The following JADE2 variants were observed in gnomAD, a reference collection of about 807,000 sequenced individuals.
JADE2 encodes the protein E3 ubiquitin-protein ligase Jade-2.
A neutral mutation model predicts 85.7 loss-of-function variants in JADE2; 13 were observed. The observed-to-expected ratio is 0.15, with a 90% CI of 0.10 to 0.24. The LOEUF (loss-of-function observed/expected upper bound fraction) is 0.24, where lower values mean the gene tolerates loss of function less well. Among genes scored for constraint, JADE2 ranks in the 10% least tolerant of loss-of-function variants. The pLI is 1.00. For missense variants in JADE2, 846 were observed against 1,115.9 expected (o/e 0.76, Z 3.45); for synonymous variants, 440 against 456.1 (o/e 0.96, Z 0.45).
At position 134,538,060 on chromosome 5, in the gene JADE2, C is replaced by A. The variant is rs766842166; in HGVS notation, c.130C>A (p.Gln44Lys). The A allele has an allele frequency of 3.7e-6, 6 of 1,613,986 alleles. No homozygotes were observed. The highest frequency in any genetic ancestry group is 3.4e-6 in the Non-Finnish European group (4 of 1,179,976). Residue 44 changes from glutamine (Q) to lysine (K), a missense_variant, in exon 3 of 12, where the codon CAG becomes AAG. Coordinates refer to ENST00000681547, the MANE Select transcript of JADE2 (RefSeq NM_001388185.1). The part of the protein sequence containing the change: ...PSSTKSGWPR[Q>K]NEKKPSEVFR... Reference sequence around the variant, plus strand: ...CAGCACCAAGTCGGGCTGGCCCCGACAGAACGAAAAGAAGCCCTCCGAGGT... The same window carrying A: ...CAGCACCAAGTCGGGCTGGCCCCGAAAGAACGAAAAGAAGCCCTCCGAGGT...
At chr5:134,563,931 A>T (rs747706707) in intron 7 of JADE2, among the ~76,000 whole-genome samples, 1 of 152,158 alleles carries the variant, frequency 6.6e-6, no homozygotes, top group Non-Finnish European at 1.5e-5. Context: ...TGCCCAGTAG[A>T]CTTGGGCATA....
chr5:134,568,710 G>T (rs774670382), intron 9 of JADE2, among the ~76,000 whole-genome samples: 1 of 152,240 alleles, frequency 6.6e-6, no homozygotes, highest in Non-Finnish European at 1.5e-5. Context: ...TGGCAGGGCC[G>T]AGGAGGGACA....
chr5:134,557,003 G>GCA lies in JADE2; in HGVS notation c.312-2816_312-2815dup, dbSNP rs1193362318. Among the ~76,000 whole-genome samples the GCA allele has an allele frequency of 6.8e-5, 7 of 103,050 alleles. No homozygotes were observed. The South Asian group carries it at 2.3e-3, about 34-fold the overall frequency. 67.6% of individuals were successfully genotyped at this position (103,050 alleles called of 152,430 possible). On this transcript the variant is annotated intron_variant, in intron 4 of 11. Transcript: ENST00000681547. ...AAAACACACCCCACACATACCACATGCACACACACACATCACACAGCACAT... is the reference window on the plus strand; with the variant it reads ...AAAACACACCCCACACATACCACATGCACACACACACACATCACACAGCACAT...
chr5:134,575,052 G>T (rs149260099), intron 10 of JADE2: 2 of 152,300 alleles, frequency 1.3e-5, no homozygotes, highest in African/African-American at 4.8e-5. Context: ...GCCACGAGCA[G>T]TGCCCTCAGG....
At chr5:134,529,000 T>G (rs1169165180) in intron 1 of JADE2, among the ~76,000 whole-genome samples, 6 of 152,196 alleles carry the variant, frequency 3.9e-5, no homozygotes, top group African/African-American at 1.4e-4. Context: ...AGGTCCTAGA[T>G]GCACCACGGA....
At chr5:134,526,671 CGCGGGGGCAGCAT>C (rs1760845071) in intron 1 of JADE2, 2 of 985,346 alleles carry the variant, frequency 2.0e-6, no homozygotes, top group African/African-American at 3.5e-5. Context: ...GGGCGCTGCA[CGCGGGGGCAGCAT>C]GCTCGGCTCC....
chr5:134,562,188 G>C lies in JADE2; in HGVS notation c.685-12G>C. 6.3e-7 allele frequency: 1 copy of C among 1,599,468 alleles called. No individual in the cohort carries two copies. Among genetic ancestry groups the C allele is most frequent in the Admixed American group, 1.7e-5 (1 of 58,606 alleles). ...AGTTCCGCTGACTCATGACCACCCT[G>C]CTCTCTCCTAGGCATGCTACGGGAT... is the stretch of plus-strand genomic sequence containing the variant. On this transcript the variant is annotated splice_polypyrimidine_tract_variant and intron_variant, in intron 6 of 11. Transcript: ENST00000681547. This position sits in a 1 kb window ranked among gnomAD's most constrained non-coding sequence, Gnocchi z 4.6.
intron 1 of JADE2, 36 bp from the exon 2 acceptor site, chr5:134,535,822 C>T (rs1332377600): frequency 6.3e-7 from 1 of 1,597,924 alleles, no homozygotes; most frequent in South Asian, 1.1e-5. Flanking sequence ...TTTCCCAAGC[C>T]ATCCGTGAGT....
chr5:134,562,378 G>A lies in JADE2; in HGVS notation c.852+11G>A, dbSNP rs972622070. 1.8e-5 allele frequency: 29 copies of A among 1,602,588 alleles called. No individual in the cohort carries two copies. The highest frequency in any genetic ancestry group is 6.7e-5 in the African/African-American group (5 of 74,730). ...CTATGGATTCCTGAGGTGGGTGAGC[G>A]TGGAGGTGAGGCAGCCCAAGGAATA... On this transcript the variant is annotated intron_variant, in intron 7 of 11. Transcript: ENST00000681547. The surrounding 1 kb of genome is among the most constrained non-coding windows in gnomAD (Gnocchi z 4.6).
intron 2 of JADE2, 58 bp from the exon 3 acceptor site, chr5:134,537,931 T>G: frequency 7.9e-7 from 1 of 1,269,850 alleles, no homozygotes; most frequent in Non-Finnish European, 1.1e-6. Flanking sequence ...TTCTTGGGCA[T>G]GAGTGGGTGG....
chr5:134,524,673 CG>C (rs1421910528), upstream of JADE2, among the ~76,000 whole-genome samples: 2 of 152,158 alleles, frequency 1.3e-5, no homozygotes, highest in Non-Finnish European at 2.9e-5. Flanking sequence ...CCCGGAAATG[CG>C]GGGCAGCGCT....
intron 3 of JADE2, among the ~76,000 whole-genome samples, chr5:134,546,057 A>G (rs1220111041): frequency 6.6e-6 from 1 of 152,250 alleles, no homozygotes; most frequent in African/African-American, 2.4e-5. Flanking sequence ...CCCTGCTAAG[A>G]CAGGGCAGGA....
At chr5:134,569,443 G>A (rs749294963) in intron 9 of JADE2, among the ~76,000 whole-genome samples, 12 of 152,174 alleles carry the variant, frequency 7.9e-5, no homozygotes, top group South Asian at 2.1e-4. Context: ...CTTGGGCCTC[G>A]GCCCCAGCGG....
chr5:134,553,594 C>T (rs1304397673), intron 4 of JADE2, among the ~76,000 whole-genome samples: 2 of 152,154 alleles, frequency 1.3e-5, no homozygotes, highest in Non-Finnish European at 1.5e-5. Flanking sequence ...CCTCATGATC[C>T]GCCCTCCTCG....
Position 134,562,125 on chromosome 5 carries a change from C to G in JADE2, c.685-75C>G, listed in dbSNP as rs566085194. 2.1e-4 allele frequency: 303 copies of G among 1,463,882 alleles called. No homozygotes were observed. In the African/African-American group the frequency reaches 3.9e-3, roughly 19 times the overall value. The allele number at this position is 1,463,882 out of a possible 1,614,324, so 90.7% of individuals were successfully genotyped here. A position where few individuals can be genotyped will look rare whatever the true frequency, so the allele number is the denominator to read the frequency against. ...AGTGTAGCATGGGGCTGGCACTGGA[C>G]CAAATGCAGCTGACTGCTGACCAGA... On this transcript the variant is annotated intron_variant, in intron 6 of 11. Transcript: ENST00000681547. The surrounding 1 kb of genome is among the most constrained non-coding windows in gnomAD (Gnocchi z 4.6).
At chr5:134,555,999 G>A (rs1561745546) in intron 4 of JADE2, among the ~76,000 whole-genome samples, 1 of 152,146 alleles carries the variant, frequency 6.6e-6, no homozygotes, top group Non-Finnish European at 1.5e-5. Flanking sequence ...TGCCGGGTTG[G>A]GCCCCTGCCT....
chr5:134,539,506 G>A (rs1475052453), intron 3 of JADE2, among the ~76,000 whole-genome samples: 2 of 152,200 alleles, frequency 1.3e-5, no homozygotes, highest in African/African-American at 4.8e-5. Flanking sequence ...GCCAATCCTG[G>A]CTCTTAAGTA....
In JADE2 at chr5:134,566,664, T is replaced by G. The variant is rs1057487992; in HGVS notation, c.1434+84T>G. On this transcript the variant is annotated intron_variant, in intron 9 of 11. Transcript: ENST00000681547. The surrounding 1 kb of genome is among the most constrained non-coding windows in gnomAD (Gnocchi z 6.7). Reference sequence around the variant, plus strand: ...GCCACACTCACTGCCCTGGAGCAGCTAGGACTCACCAGGACTCAAACTGTG... The same window carrying G: ...GCCACACTCACTGCCCTGGAGCAGCGAGGACTCACCAGGACTCAAACTGTG... The G allele has an allele frequency of 6.6e-6, 7 of 1,058,978 alleles. No individual in the cohort carries two copies. The highest frequency in any genetic ancestry group is 9.4e-6 in the Non-Finnish European group (7 of 744,740). The allele number at this position is 1,058,978 out of a possible 1,614,324, so 65.6% of individuals were successfully genotyped here. A position where few individuals can be genotyped will look rare whatever the true frequency, so the allele number is the denominator to read the frequency against.
At chr5:134,532,418 A>G (rs538756727) in intron 1 of JADE2, among the ~76,000 whole-genome samples, 1 of 152,180 alleles carries the variant, frequency 6.6e-6, no homozygotes, top group Non-Finnish European at 1.5e-5. Context: ...AGGGGACTCT[A>G]CGACACCCAC....
Sources: gnomAD v4.1 joint callset for allele counts (sites outside exome capture counted in the v4.1 genomes callset) on GRCh38, gnomAD v4.1.1 for gene constraint, Gnocchi (gnomAD v3.1) non-coding constraint, MANE v1.5 for transcripts, NCBI Gene and HGNC (gene_info 2026-07-23, HGNC 2026-07-21) for gene names.